Variants in RBM26 observed in about 807,000 individuals in gnomAD.
RBM26 encodes the protein RNA binding motif protein 26.
In RBM26, 30 loss-of-function variants were observed where a neutral mutation model predicts 123.6. That is an observed-to-expected ratio of 0.24 (90% confidence interval 0.18 to 0.33). The LOEUF is 0.33. RBM26 is among the 10% of genes least tolerant of loss of function. The pLI is 1.00. For missense variants in RBM26, 947 were observed against 1,203.6 expected, an observed-to-expected ratio of 0.79 and a Z score of 3.15; for synonymous variants, 400 against 404.4, an observed-to-expected ratio of 0.99 and a Z score of 0.13.
chr13:79,382,324 T>C (rs1299272932), intron 1 of RBM26, among the ~76,000 whole-genome samples: 1 of 152,200 alleles, frequency 6.6e-6, no homozygotes, highest in Non-Finnish European at 1.5e-5. Flanking sequence ...GTAATTTGAA[T>C]GATCTATATC....
chr13:79,331,416 C>A (rs546548111), intron 20 of RBM26, among the ~76,000 whole-genome samples: 1 of 146,974 alleles, frequency 6.8e-6, no homozygotes, highest in African/African-American at 2.5e-5. Context: ...GTCAGGAGAT[C>A]GAGACCATCC....
In RBM26 at chr13:79,322,332, G is replaced by C. The variant is rs373873847; in HGVS notation, c.2934+17C>G. Reference sequence around the variant, plus strand: ...GAACGATTAAGGGTAAAAATAAGTGGAAAAAAAATAACATACTTCTTCTTC... The same window carrying C: ...GAACGATTAAGGGTAAAAATAAGTGCAAAAAAAATAACATACTTCTTCTTC... On this transcript the variant is annotated intron_variant, in intron 21 of 21. Coordinates refer to ENST00000438737, the MANE Select transcript of RBM26 (RefSeq NM_001366735.2). 329 of 1,473,940 alleles carry C rather than the reference G, an allele frequency of 2.2e-4. No individual in the cohort carries two copies. The highest frequency in any genetic ancestry group is 1.4e-3 in the Middle Eastern group (8 of 5,718). The allele number at this position is 1,473,940 out of a possible 1,614,324, so 91.3% of individuals were successfully genotyped here.
chr13:79,318,786 A>G (rs1033409018), downstream of RBM26: 4 of 983,830 alleles, frequency 4.1e-6, no homozygotes, highest in Admixed American at 6.2e-5. Flanking sequence ...TGGAGATTTA[A>G]CTGGCCTTTG....
At chr13:79,321,805 A>C (rs1344509865) in intron 21 of RBM26, among the ~76,000 whole-genome samples, 1 of 151,358 alleles carries the variant, frequency 6.6e-6, no homozygotes, top group Admixed American at 6.6e-5. Context: ...ATGTTGTTCA[A>C]ATCTTTATTC....
intron 19 of RBM26, among the ~76,000 whole-genome samples, chr13:79,335,866 TTGTGGAAGG>T (rs1387795800): frequency 1.3e-5 from 2 of 152,136 alleles, no homozygotes; most frequent in African/African-American, 4.8e-5. Flanking sequence ...CTCCTTTCTC[TTGTGGAAGG>T]TGTGGAAGTG....
chr13:79,386,051 A>G (rs1279783180), intron 1 of RBM26, among the ~76,000 whole-genome samples: 1 of 152,126 alleles, frequency 6.6e-6, no homozygotes, highest in Non-Finnish European at 1.5e-5. Flanking sequence ...GCAGAGCTCT[A>G]TGATAAATAG....
intron 13 of RBM26, among the ~76,000 whole-genome samples, 156 bp downstream of exon 13, chr13:79,354,283 A>T (rs575674163): frequency 1.2e-3 from 150 of 127,420 alleles, no homozygotes; most frequent in African/African-American, 4.0e-3. Context: ...GGTAAAAATT[A>T]AAAAAAAAAA....
intron 11 of RBM26, among the ~76,000 whole-genome samples, chr13:79,357,328 A>C (rs2074140521): frequency 1.3e-5 from 2 of 152,136 alleles, no homozygotes; most frequent in African/African-American, 4.8e-5. Flanking sequence ...TATCCTCTAA[A>C]ATTTGTTTTT....
At chr13:79,350,392 A>G (rs2073056663) in intron 14 of RBM26, among the ~76,000 whole-genome samples, 1 of 152,214 alleles carries the variant, frequency 6.6e-6, no homozygotes, top group African/African-American at 2.4e-5. Flanking sequence ...GTCTGTTTTA[A>G]AAAACTAACC....
chr13:79,315,702 T>G (rs1402782144), downstream of RBM26, among the ~76,000 whole-genome samples: 1 of 151,886 alleles, frequency 6.6e-6, no homozygotes, highest in African/African-American at 2.4e-5. Flanking sequence ...AACAAGCACA[T>G]AATATGGATA....
chr13:79,375,109 A>ATTTTTATTTATT (rs2076560400), intron 3 of RBM26, among the ~76,000 whole-genome samples: 1 of 138,622 alleles, frequency 7.2e-6, no homozygotes, highest in East Asian at 2.0e-4. Context: ...TATATATCAT[A>ATTTTTATTTATT]TAAATATATA....
chr13:79,400,946 G>C (rs1184590014), intron 1 of RBM26, among the ~76,000 whole-genome samples: 1 of 152,106 alleles, frequency 6.6e-6, no homozygotes. Flanking sequence ...ATTTACCAGC[G>C]ACAGGAACAG....
chr13:79,371,216 A>G (rs373585871), intron 4 of RBM26, 54 bp from the exon 5 acceptor site: 61 of 1,395,958 alleles, frequency 4.4e-5, no homozygotes, highest in South Asian at 3.1e-4. Context: ...GACACAGGAA[A>G]AAGCTAATTA....
At chr13:79,329,719 T>C (rs768019687) in intron 20 of RBM26, among the ~76,000 whole-genome samples, 1 of 152,140 alleles carries the variant, frequency 6.6e-6, no homozygotes, top group Non-Finnish European at 1.5e-5. Context: ...CCAATCAAGC[T>C]ATATCAAAAT....
chr13:79,325,097 A>G (rs1443049500), intron 20 of RBM26, among the ~76,000 whole-genome samples: 1 of 152,108 alleles, frequency 6.6e-6, no homozygotes, highest in Non-Finnish European at 1.5e-5. Context: ...ACTGGTGTAA[A>G]CAAACCGATT....
chr13:79,329,908 A>G (rs2069029911), intron 20 of RBM26, among the ~76,000 whole-genome samples: 1 of 152,148 alleles, frequency 6.6e-6, no homozygotes, highest in South Asian at 2.1e-4. Context: ...TAAATGAAAA[A>G]GGAAGGAATC....
chr13:79,356,967 A>G (rs1238059637), intron 11 of RBM26, among the ~76,000 whole-genome samples: 1 of 152,224 alleles, frequency 6.6e-6, no homozygotes, highest in Admixed American at 6.5e-5. Context: ...TGAAATTGCC[A>G]TAAAAAGACA....
chr13:79,400,684 TAAGAA>T (rs2078986983), intron 1 of RBM26, among the ~76,000 whole-genome samples: 1 of 152,050 alleles, frequency 6.6e-6, no homozygotes, highest in Non-Finnish European at 1.5e-5. Context: ...AAGACTGACT[TAAGAA>T]AAGGAACCAA....
At chr13:79,373,376 AT>A (rs1330995887) in intron 3 of RBM26, among the ~76,000 whole-genome samples, 3 of 102,366 alleles carry the variant, frequency 2.9e-5, no homozygotes, top group Admixed American at 1.5e-4. Flanking sequence ...TATAATATAT[AT>A]TATATATAAA....
Sources: gnomAD v4.1 joint callset for allele counts (sites outside exome capture counted in the v4.1 genomes callset) on GRCh38, gnomAD v4.1.1 for gene constraint, MANE v1.5 for transcripts, NCBI Gene and HGNC (gene_info 2026-07-23, HGNC 2026-07-21) for gene names.